The following CACNB1 variants were observed in gnomAD, a reference collection of about 807,000 sequenced individuals.
CACNB1 encodes the protein voltage-dependent L-type calcium channel subunit beta-1.
Under a neutral mutation model 71.6 loss-of-function variants are expected in CACNB1, and 29 were observed. The observed-to-expected ratio is 0.40, with a 90% CI of 0.30 to 0.55. The LOEUF (loss-of-function observed/expected upper bound fraction) is 0.55, where lower values mean the gene tolerates loss of function less well. Among genes scored for constraint, CACNB1 ranks in the 20% least tolerant of loss-of-function variants. The pLI is 0.38. For synonymous variants in CACNB1, 300 were observed against 319.6 expected, an observed-to-expected ratio of 0.94 and a Z score of 0.65; for missense variants, 623 against 801.8, an observed-to-expected ratio of 0.78 and a Z score of 2.69.
intron 4 of CACNB1, 72 bp downstream of exon 4, chr17:39,187,407 C>A (rs565538960): frequency 5.7e-6 from 9 of 1,577,752 alleles, no homozygotes; most frequent in East Asian, 2.2e-5. Context: ...GGCTCAGAAG[C>A]CTTTTGTCCA....
intron 8 of CACNB1, 101 bp from the exon 9 acceptor site, chr17:39,184,484 T>C (rs1382248494): frequency 5.4e-6 from 4 of 746,748 alleles, no homozygotes; most frequent in Non-Finnish European, 9.5e-6. Context: ...CGTTCCACTT[T>C]CTTCTGGACA....
intron 2 of CACNB1, chr17:39,192,751 C>G (rs993534401): frequency 2.0e-5 from 3 of 152,214 alleles, no homozygotes; most frequent in African/African-American, 7.3e-5. Flanking sequence ...TGGAGGGGAC[C>G]TGGGAAAGAC....
At position 39,174,873 on chromosome 17, in the gene CACNB1, TAGAA is replaced by T. The variant is rs1343699412; in HGVS notation, c.*316_*319del. On this transcript the variant is annotated 3_prime_UTR_variant, in exon 14 of 14. Transcript: ENST00000394303. Reference sequence around the variant, plus strand: ...TAGGACCGTCACTTAGGGCCCCGAGTAGAAAGAGTTAAGGAAGTGCACCTTTTCT... The same window carrying T: ...TAGGACCGTCACTTAGGGCCCCGAGTAGAGTTAAGGAAGTGCACCTTTTCT... The T allele has an allele frequency of 7.1e-6, 2 of 280,928 alleles. No individual in the cohort carries two copies. Among genetic ancestry groups the T allele is most frequent in the Non-Finnish European group, 6.7e-6 (1 of 148,658 alleles). 17.4% of individuals were successfully genotyped at this position (280,928 alleles called of 1,614,324 possible).
At position 39,173,750 on chromosome 17, in the gene CACNB1, A is replaced by T. The variant is rs961801839; in HGVS notation, c.*1443T>A. ...GCATATCAGCAGCTCCCAGGTGCCT[A>T]CGCTGACGACTATGTGGCGAGGACA... On this transcript the variant is annotated 3_prime_UTR_variant, in exon 14 of 14. Transcript: ENST00000394303. The T allele has an allele frequency of 1.3e-5, 2 of 152,580 alleles. No homozygotes were observed. The highest frequency in any genetic ancestry group is 4.8e-5 in the African/African-American group (2 of 41,470). 9.5% of individuals were successfully genotyped at this position (152,580 alleles called of 1,614,324 possible). A position where few individuals can be genotyped will look rare whatever the true frequency, so the allele number is the denominator to read the frequency against.
intron 11 of CACNB1, among the ~76,000 whole-genome samples, chr17:39,178,669 C>A (rs1466896000): frequency 6.6e-6 from 1 of 152,080 alleles, no homozygotes; most frequent in Non-Finnish European, 1.5e-5. Context: ...AGGCGTGAGT[C>A]ACTGAGCCCA....
chr17:39,192,208 A>C (rs1452461131), intron 2 of CACNB1: 1 of 154,118 alleles, frequency 6.5e-6, no homozygotes, highest in Non-Finnish European at 1.4e-5. Context: ...CCTAGGACAC[A>C]AGAGAACCCA....
chr17:39,193,147 C>T (rs1335943905), intron 2 of CACNB1: 5 of 254,894 alleles, frequency 2.0e-5, no homozygotes, highest in South Asian at 6.8e-5. Flanking sequence ...GGCACGCGCA[C>T]GTGTACACAT....
At chr17:39,196,025 C>T (rs16537) in intron 1 of CACNB1, among the ~76,000 whole-genome samples, 16,099 of 152,230 alleles carry the variant, frequency 0.11, 1,074 homozygotes, top group Non-Finnish European at 0.15. Context: ...CCCACACACA[C>T]TTGGCCTCAG....
chr17:39,183,806 G>C lies in CACNB1; in HGVS notation c.957C>G (p.Val319=), dbSNP rs188019914. The C allele has an allele frequency of 3.7e-6, 6 of 1,613,998 alleles. No individual in the cohort carries two copies. The African/African-American group carries it at 5.3e-5, about 14-fold the overall frequency. ...GATTGATGGTGTCAGCATCCAGAGC[G>C]ACCAACTGAAGGGTCCGGGCCAGCT... ...IFELARTLQL[V]ALDADTINHP... Residue 319 remains valine, a synonymous_variant, in exon 11 of 14, where the codon GTC becomes GTG. Coordinates refer to ENST00000394303, the MANE Select transcript of CACNB1 (RefSeq NM_000723.5).
chr17:39,179,498 G>A (rs1451327715), intron 11 of CACNB1, among the ~76,000 whole-genome samples: 2 of 150,312 alleles, frequency 1.3e-5, no homozygotes, highest in East Asian at 2.0e-4. Flanking sequence ...GGAGAACGGC[G>A]TGAACCTGGG....
At chr17:39,191,713 C>A (rs984343901) in intron 2 of CACNB1, 120 bp from the exon 3 acceptor site, 56 of 957,100 alleles carry the variant, frequency 5.9e-5, no homozygotes, top group Non-Finnish European at 8.2e-5. Context: ...CAGCATGACA[C>A]CACAAGGGCT....
chr17:39,181,170 T>G (rs1280825231), intron 11 of CACNB1, among the ~76,000 whole-genome samples: 1 of 152,126 alleles, frequency 6.6e-6, no homozygotes, highest in African/African-American at 2.4e-5. Context: ...CTCGGCTCAC[T>G]GCAACCTCCG....
chr17:39,184,213 G>T, intron 9 of CACNB1, 73 bp from the exon 10 acceptor site: 2 of 1,307,650 alleles, frequency 1.5e-6, no homozygotes, highest in Non-Finnish European at 2.2e-6. Context: ...CCAGTTCCAG[G>T]CCCGCCTTCT....
Position 39,175,780 on chromosome 17 carries a change from T to A in CACNB1, c.1333-123A>T. 1 of 812,386 alleles carries A rather than the reference T, an allele frequency of 1.2e-6. No homozygotes were observed. Among genetic ancestry groups the A allele is most frequent in the Non-Finnish European group, 1.9e-6 (1 of 530,734 alleles). 50.3% of individuals were successfully genotyped at this position (812,386 alleles called of 1,614,324 possible). A position where few individuals can be genotyped will look rare whatever the true frequency, so the allele number is the denominator to read the frequency against. ...GCCTGGATGAAGAGGGTGCTGGCTC[T>A]AGAGGAGGGGCCCCGGGGACAAACG... On this transcript the variant is annotated intron_variant, in intron 13 of 13. Transcript: ENST00000394303. This position sits in a 1 kb window ranked among gnomAD's most constrained non-coding sequence, Gnocchi z 4.7.
chr17:39,184,454 G>T (rs1306372812), intron 8 of CACNB1, 71 bp from the exon 9 acceptor site: 3 of 881,436 alleles, frequency 3.4e-6, no homozygotes, highest in East Asian at 5.3e-5. Context: ...ACTCTGAGTC[G>T]CTGGGTATTT....
chr17:39,180,761 A>T (rs2045735964), intron 11 of CACNB1, among the ~76,000 whole-genome samples: 1 of 152,100 alleles, frequency 6.6e-6, no homozygotes, highest in South Asian at 2.1e-4. Flanking sequence ...ATTTTTTAAT[A>T]GAGACAGGGT....
rs2045539691 is a variant in CACNB1, at chr17:39,175,010, G to A, written c.*183C>T. ...ACAGGCAGGTAAAAACCGACAGCTG[G>A]GGCTTAAGGGCCTCCCGGGAGCTGG... On this transcript the variant is annotated 3_prime_UTR_variant, in exon 14 of 14. Coordinates refer to ENST00000394303, the MANE Select transcript of CACNB1 (RefSeq NM_000723.5). This position sits in a 1 kb window ranked among gnomAD's most constrained non-coding sequence, Gnocchi z 4.7. The A allele has an allele frequency of 5.0e-6, 3 of 601,238 alleles. No homozygotes were observed. The highest frequency in any genetic ancestry group is 5.8e-6 in the Non-Finnish European group (2 of 342,394). The allele number at this position is 601,238 out of a possible 1,614,324, so 37.2% of individuals were successfully genotyped here. A position where few individuals can be genotyped will look rare whatever the true frequency, so the allele number is the denominator to read the frequency against.
At chr17:39,191,925 C>T in intron 2 of CACNB1, 2 of 339,166 alleles carry the variant, frequency 5.9e-6, no homozygotes, top group South Asian at 6.3e-5. Context: ...TCTCTACTCC[C>T]ACTGCTCCTT....
intron 11 of CACNB1, among the ~76,000 whole-genome samples, chr17:39,183,318 C>T (rs1312928939): frequency 1.4e-5 from 2 of 140,320 alleles, no homozygotes; most frequent in African/African-American, 2.6e-5. Context: ...GGTGACAGAG[C>T]GAGATCCTGA....
Sources: allele counts gnomAD v4.1 joint callset (sites outside exome capture counted in the v4.1 genomes callset), GRCh38; gene constraint gnomAD v4.1.1; non-coding constraint Gnocchi (gnomAD v3.1); transcripts MANE v1.5; gene names NCBI Gene and HGNC (gene_info 2026-07-23, HGNC 2026-07-21).